KDM5B: variants seen among roughly 807,000 people sequenced by gnomAD.
KDM5B encodes lysine-specific demethylase 5B.
In KDM5B, 144 loss-of-function variants were observed where a neutral mutation model predicts 193.4. The ratio of observed to expected loss-of-function variants is 0.74; its 90% CI spans 0.65 to 0.86. KDM5B has a LOEUF of 0.86. KDM5B is among the 40% of genes least tolerant of loss of function. The pLI, the probability that KDM5B is intolerant of heterozygous loss-of-function variation, is 0.00. For missense variants in KDM5B, 1,833 were observed against 1,886.9 expected (o/e 0.97, Z 0.53); for synonymous variants, 668 against 682.6 (o/e 0.98, Z 0.33).
intron 3 of KDM5B, among the ~76,000 whole-genome samples, chr1:202,774,332 C>T (rs1274999217): frequency 6.6e-6 from 1 of 152,160 alleles, no homozygotes; most frequent in African/African-American, 2.4e-5. Flanking sequence ...GCAGCCTCCA[C>T]CTCCTGGGCT....
chr1:202,802,141 T>C (rs1170626752), intron 1 of KDM5B, among the ~76,000 whole-genome samples: 3 of 152,160 alleles, frequency 2.0e-5, no homozygotes, highest in Non-Finnish European at 4.4e-5. Context: ...TTCAAACCTA[T>C]AGATGGCATT....
chr1:202,748,871 G>C, intron 14 of KDM5B, 74 bp downstream of exon 14: 1 of 1,186,812 alleles, frequency 8.4e-7, no homozygotes, highest in Non-Finnish European at 1.2e-6. Flanking sequence ...TGCTTAAAAT[G>C]ATATTAAAGT....
chr1:202,747,043 C>T (rs1655587303), intron 14 of KDM5B, among the ~76,000 whole-genome samples: 2 of 152,282 alleles, frequency 1.3e-5, no homozygotes, highest in Middle Eastern at 3.4e-3. Flanking sequence ...ATCACCTTTT[C>T]TCCCTATCTA....
intron 22 of KDM5B, among the ~76,000 whole-genome samples, chr1:202,735,118 T>C: frequency 6.6e-6 from 1 of 152,196 alleles, no homozygotes; most frequent in Non-Finnish European, 1.5e-5. Flanking sequence ...GCATTGCATT[T>C]TCATACATCT....
At chr1:202,770,429 CCT>C (rs1213192289) in intron 4 of KDM5B, among the ~76,000 whole-genome samples, 1 of 152,150 alleles carries the variant, frequency 6.6e-6, no homozygotes, top group African/African-American at 2.4e-5. Context: ...TTACTGTACA[CCT>C]CTGTTTTTCT....
At chr1:202,808,022 G>A in intron 1 of KDM5B, 80 bp downstream of exon 1, 4 of 1,369,306 alleles carry the variant, frequency 2.9e-6, no homozygotes, top group Non-Finnish European at 3.9e-6. Flanking sequence ...CGCCCCCCGC[G>A]CCTCGGGCCT....
rs1558505283 is a variant in KDM5B, at chr1:202,773,104, GC to G, written c.576+13del. ...AGTAAGATAAAACAGGTTAAGGCTA[GC>G]CCCCAAACTTACCCTTAGGCTGTCT... On this transcript the variant is annotated intron_variant, in intron 4 of 26. Transcript: ENST00000367265. 2 of 1,578,254 alleles carry G rather than the reference GC, an allele frequency of 1.3e-6. No individual in the cohort carries two copies. The highest frequency in any genetic ancestry group is 8.7e-7 in the Non-Finnish European group (1 of 1,149,528).
intron 7 of KDM5B, among the ~76,000 whole-genome samples, chr1:202,762,453 C>A (rs1363302985): frequency 6.6e-6 from 1 of 152,170 alleles, no homozygotes; most frequent in African/African-American, 2.4e-5. Flanking sequence ...TGAATGTATT[C>A]CAGAAAATCG....
intron 21 of KDM5B, 123 bp from the exon 22 acceptor site, chr1:202,735,710 C>T: frequency 1.2e-6 from 1 of 858,720 alleles, no homozygotes; most frequent in African/African-American, 1.7e-5. Context: ...TGAAGATTTT[C>T]TTTGGAACAT....
Position 202,741,531 on chromosome 1 carries a change from G to A in KDM5B, c.2781C>T (p.Cys927=). 6.2e-7 allele frequency: 1 copy of A among 1,614,230 alleles called. No individual in the cohort carries two copies. The highest frequency in any genetic ancestry group is 1.1e-5 in the South Asian group (1 of 91,088). The change falls in exon 19 of 27, where the codon TGC becomes TGT. Residue 927 remains cysteine (C), a synonymous_variant. Coordinates refer to ENST00000367265, the MANE Select transcript of KDM5B (RefSeq NM_006618.5). ...CTAAAGTAAGGGAGCTGGGGTCTAG[G>A]CAAGCTTGCTGCACCTCTTCTAGCC... ...ARWLEEVQQA[C]LDPSSLTLDD...
At chr1:202,748,608 C>T (rs1354004301) in intron 14 of KDM5B, among the ~76,000 whole-genome samples, 3 of 151,934 alleles carry the variant, frequency 2.0e-5, no homozygotes, top group Non-Finnish European at 2.9e-5. Context: ...GTGGCTCACG[C>T]CTGTAATCCC....
Position 202,728,834 on chromosome 1 carries a change from A to G in KDM5B, c.*202T>C, listed in dbSNP as rs1205933264. 1.4e-4 allele frequency: 80 copies of G among 578,824 alleles called. No individual in the cohort carries two copies. The Admixed American group carries it at 2.5e-3, about 18-fold the overall frequency. The allele number at this position is 578,824 out of a possible 1,614,324, so 35.9% of individuals were successfully genotyped here. Reference sequence around the variant, plus strand: ...ACCACAAATAGCTCTTAAGGAAAAAATACAAAAAGTGTCAAAAATTTTTTT... The same window carrying G: ...ACCACAAATAGCTCTTAAGGAAAAAGTACAAAAAGTGTCAAAAATTTTTTT... On this transcript the variant is annotated 3_prime_UTR_variant, in exon 27 of 27. Coordinates refer to ENST00000367265, the MANE Select transcript of KDM5B (RefSeq NM_006618.5).
At chr1:202,750,513 G>C (rs1655746864) in intron 13 of KDM5B, 146 bp downstream of exon 13, 1 of 650,612 alleles carries the variant, frequency 1.5e-6, no homozygotes, top group Non-Finnish European at 2.5e-6. Flanking sequence ...GACCTCAGGT[G>C]ATCTGCCCAC....
intron 5 of KDM5B, chr1:202,766,557 A>G: frequency 2.4e-6 from 1 of 419,854 alleles, no homozygotes; most frequent in Non-Finnish European, 4.6e-6. Context: ...TCTTCTAACC[A>G]CTCTGTTTAA....
intron 20 of KDM5B, among the ~76,000 whole-genome samples, chr1:202,739,165 G>A (rs1655205497): frequency 6.6e-6 from 1 of 152,188 alleles, no homozygotes; most frequent in African/African-American, 2.4e-5. Context: ...ACTTATCAAA[G>A]AGTAGAAAAC....
chr1:202,801,816 T>G (rs1297103331), intron 1 of KDM5B, among the ~76,000 whole-genome samples: 1 of 152,110 alleles, frequency 6.6e-6, no homozygotes, highest in African/African-American at 2.4e-5. Context: ...TAATCAAAAG[T>G]CAATGGCAGC....
intron 10 of KDM5B, 152 bp downstream of exon 10, chr1:202,756,206 A>G (rs1656004520): frequency 1.5e-6 from 1 of 646,602 alleles, no homozygotes; most frequent in African/African-American, 1.8e-5. Context: ...CATAGTTAGG[A>G]CTAGAATTCT....
At chr1:202,785,735 C>T (rs548509464) in intron 1 of KDM5B, among the ~76,000 whole-genome samples, 1 of 152,034 alleles carries the variant, frequency 6.6e-6, no homozygotes, top group Non-Finnish European at 1.5e-5. Flanking sequence ...CATGGCAAAA[C>T]CCAGTCTCTA....
chr1:202,750,084 TA>T (rs1655730308), intron 13 of KDM5B, among the ~76,000 whole-genome samples: 1 of 152,230 alleles, frequency 6.6e-6, no homozygotes, highest in South Asian at 2.1e-4. Flanking sequence ...AGCCAGAATG[TA>T]AATCAATAGA....
Sources: allele counts gnomAD v4.1 joint callset (sites outside exome capture counted in the v4.1 genomes callset), GRCh38; gene constraint gnomAD v4.1.1; transcripts MANE v1.5; gene names NCBI Gene and HGNC (gene_info 2026-07-23, HGNC 2026-07-21).